The following RBM24 variants were observed in gnomAD, a reference collection of about 807,000 sequenced individuals.
The protein encoded by RBM24 is RNA-binding protein 24.
RBM24 carries 5 observed loss-of-function variants against 23.6 expected under a neutral mutation model. That is an observed-to-expected ratio of 0.21 (90% CI 0.11 to 0.45). RBM24 has a LOEUF of 0.45. Among genes scored for constraint, RBM24 ranks in the 20% least tolerant of loss-of-function variants. The probability of loss-of-function intolerance (pLI) is 0.99; values close to 1 mark genes in which losing one functional copy is unlikely to be tolerated. For missense variants in RBM24, 252 were observed against 314.6 expected (o/e 0.80, Z 1.51); for synonymous variants, 151 against 129.5 (o/e 1.17, Z -1.13).
chr6:17,282,020 G>A (rs1760033199), intron 1 of RBM24: 2 of 1,320,566 alleles, frequency 1.5e-6, no homozygotes, highest in East Asian at 6.8e-5. Context: ...ATGACGGCGG[G>A]ATTTGGGGTG....
At chr6:17,283,751 T>C (rs1299210773) in intron 2 of RBM24, among the ~76,000 whole-genome samples, 1 of 151,988 alleles carries the variant, frequency 6.6e-6, no homozygotes, top group Non-Finnish European at 1.5e-5. Flanking sequence ...AATCACAGAG[T>C]ATTAGCAATC....
Position 17,281,828 on chromosome 6 carries a change from G to C in RBM24, c.168+79G>C, listed in dbSNP as rs1470721593. 123 of 1,509,964 alleles carry C rather than the reference G, an allele frequency of 8.1e-5. No homozygotes were observed. Among genetic ancestry groups the C allele is most frequent in the Non-Finnish European group, 1.1e-4 (118 of 1,115,928 alleles). 93.5% of individuals were successfully genotyped at this position (1,509,964 alleles called of 1,614,324 possible). A position where few individuals can be genotyped will look rare whatever the true frequency, so the allele number is the denominator to read the frequency against. Reference sequence around the variant, plus strand: ...GGGGATCGGGAGCTTGGAGTGAGGGGCTCGGCGTGACCCGTGAGGAGCCCC... The same window carrying C: ...GGGGATCGGGAGCTTGGAGTGAGGGCCTCGGCGTGACCCGTGAGGAGCCCC... On this transcript the variant is annotated intron_variant, in intron 1 of 3. Transcript: ENST00000379052. The surrounding 1 kb of genome is among the most constrained non-coding windows in gnomAD (Gnocchi z 7.1).
intron 2 of RBM24, 133 bp downstream of exon 2, chr6:17,283,061 C>T (rs1027341936): frequency 3.8e-5 from 25 of 650,588 alleles, no homozygotes; most frequent in South Asian, 2.7e-4. Flanking sequence ...GCTTGTTATT[C>T]TACCAAGGCA....
At chr6:17,284,610 AT>A in intron 2 of RBM24, 46 bp from the exon 3 acceptor site, 1 of 1,436,754 alleles carries the variant, frequency 7.0e-7, no homozygotes, top group Non-Finnish European at 9.6e-7. Flanking sequence ...GGAATAATAA[AT>A]GCCTAACCAT....
intron 3 of RBM24, chr6:17,291,011 T>C: frequency 1.7e-6 from 1 of 592,928 alleles, no homozygotes; most frequent in Non-Finnish European, 2.8e-6. Flanking sequence ...ATAGCATTTT[T>C]GTAGCTTCCC....
chr6:17,293,832 TTCTAA>T lies in RBM24; in HGVS notation c.*1718_*1722del, dbSNP rs1309911351. 4 of 152,804 alleles carry T rather than the reference TTCTAA, an allele frequency of 2.6e-5. No individual in the cohort carries two copies. Among genetic ancestry groups the T allele is most frequent in the Non-Finnish European group, 1.5e-5 (1 of 68,042 alleles). The allele number at this position is 152,804 out of a possible 1,614,324, so 9.5% of individuals were successfully genotyped here. ...ATATTGCTTTATAACATTTCAGATC[TTCTAA>T]TCTATTCACTTGTATTAAATATAAT... On this transcript the variant is annotated 3_prime_UTR_variant, in exon 4 of 4. Coordinates refer to ENST00000379052, the MANE Select transcript of RBM24 (RefSeq NM_001143942.2).
At chr6:17,290,034 G>A (rs1423502873) in intron 3 of RBM24, 7 of 1,289,390 alleles carry the variant, frequency 5.4e-6, no homozygotes, top group Non-Finnish European at 6.1e-6. Flanking sequence ...TGATGACGTC[G>A]TTTCTCCTGG....
intron 3 of RBM24, among the ~76,000 whole-genome samples, chr6:17,286,394 T>A (rs147145134): frequency 2.6e-5 from 4 of 152,266 alleles, no homozygotes; most frequent in African/African-American, 9.6e-5. Flanking sequence ...GGAGAGCATA[T>A]ATCTGAAGGT....
intron 3 of RBM24, chr6:17,288,144 G>A (rs760672362): frequency 1.7e-4 from 104 of 615,396 alleles, no homozygotes; most frequent in Non-Finnish European, 2.0e-4. Context: ...ACTGCTAAGT[G>A]TTAGAGGCTG....
At chr6:17,289,858 C>T (rs1760301777) in intron 3 of RBM24, 5 of 1,181,694 alleles carry the variant, frequency 4.2e-6, no homozygotes, top group South Asian at 1.7e-5. Context: ...CGTGTCTACA[C>T]GTTGTAGACA....
Position 17,281,413 on chromosome 6 carries a change from CCGCCCCCGGCCGCT to C in RBM24, c.-160_-147del. 4.3e-6 allele frequency: 1 copy of C among 230,018 alleles called. No individual in the cohort carries two copies. The highest frequency in any genetic ancestry group is 7.1e-6 in the Non-Finnish European group (1 of 141,122). The allele number at this position is 230,018 out of a possible 1,614,324, so 14.2% of individuals were successfully genotyped here. On this transcript the variant is annotated 5_prime_UTR_variant, in exon 1 of 4. Transcript: ENST00000379052. This position sits in a 1 kb window ranked among gnomAD's most constrained non-coding sequence, Gnocchi z 7.1. ...GAAGCCGCGCGCCCGGCGCTCTCGG[CCGCCCCCGGCCGCT>C]CGCCCCCGCCGCGCCGCCGCCCTCG...
In RBM24 at chr6:17,293,397, A is replaced by G. The variant is rs1760428262; in HGVS notation, c.*1278A>G. On this transcript the variant is annotated 3_prime_UTR_variant, in exon 4 of 4. Transcript: ENST00000379052. The stretch of plus-strand genomic sequence containing the variant: ...TTGACTTGGATTTATTTAAATTCAT[A>G]TGTGCACTGTATAAGAGAGTACTCT... 6.6e-6 allele frequency: 1 copy of G among 152,624 alleles called. No individual in the cohort carries two copies. The highest frequency in any genetic ancestry group is 1.5e-5 in the Non-Finnish European group (1 of 68,026). 9.5% of individuals were successfully genotyped at this position (152,624 alleles called of 1,614,324 possible).
chr6:17,288,758 T>C (rs1042908281), intron 3 of RBM24: 1 of 979,760 alleles, frequency 1.0e-6, no homozygotes, highest in South Asian at 4.7e-5. Flanking sequence ...AGGAGCCCAG[T>C]TGACCTGGGT....
chr6:17,291,320 A>C (rs1395825223), intron 3 of RBM24, among the ~76,000 whole-genome samples: 1 of 152,046 alleles, frequency 6.6e-6, no homozygotes, highest in East Asian at 1.9e-4. Flanking sequence ...ATTATGGACT[A>C]CCTTTTGAGT....
At chr6:17,282,011 T>C in intron 1 of RBM24, 1 of 1,333,640 alleles carries the variant, frequency 7.5e-7, no homozygotes, top group Non-Finnish European at 9.7e-7. Context: ...AGACCTGTAA[T>C]GACGGCGGGA....
Position 17,292,362 on chromosome 6 carries a change from G to C in RBM24, c.*243G>C, listed in dbSNP as rs773235582. On this transcript the variant is annotated 3_prime_UTR_variant, in exon 4 of 4. Transcript: ENST00000379052. ...TCCCAAAGAGCCTGAGTAAATGAAAGGCCACTACGAAATGACGCCAGGAGT... is the reference window on the plus strand; with the variant it reads ...TCCCAAAGAGCCTGAGTAAATGAAACGCCACTACGAAATGACGCCAGGAGT... 2.3e-5 allele frequency: 7 copies of C among 310,430 alleles called. No individual in the cohort carries two copies. The highest frequency in any genetic ancestry group is 1.9e-4 in the Admixed American group (4 of 20,788). 19.2% of individuals were successfully genotyped at this position (310,430 alleles called of 1,614,324 possible). A position where few individuals can be genotyped will look rare whatever the true frequency, so the allele number is the denominator to read the frequency against.
intron 3 of RBM24, among the ~76,000 whole-genome samples, chr6:17,286,153 T>TTA (rs1258466619): frequency 6.6e-6 from 1 of 151,832 alleles, no homozygotes; most frequent in East Asian, 1.9e-4. Flanking sequence ...AACTCTAACA[T>TTA]ATCGGTACCT....
chr6:17,288,378 G>A lies in RBM24; in HGVS notation c.348-3378G>A, dbSNP rs904162877. The A allele has an allele frequency of 3.0e-6, 3 of 985,378 alleles. No homozygotes were observed. The African/African-American group carries it at 5.2e-5, about 17-fold the overall frequency. The allele number at this position is 985,378 out of a possible 1,614,324, so 61.0% of individuals were successfully genotyped here. A position where few individuals can be genotyped will look rare whatever the true frequency, so the allele number is the denominator to read the frequency against. On this transcript the variant is annotated intron_variant, in intron 3 of 3. Coordinates refer to ENST00000379052, the MANE Select transcript of RBM24 (RefSeq NM_001143942.2). ...GTGAAGGAAGTAGAAGTTGACCTAG[G>A]TTTTAAAGAATGGTGGAGGGTAGGG...
Position 17,282,921 on chromosome 6 carries a change from G to A in RBM24, c.285G>A (p.Met95Ile), listed in dbSNP as rs1760073687. The change falls in exon 2 of 4, where the codon ATG becomes ATA. Residue 95 changes from methionine to isoleucine, a missense_variant. Transcript: ENST00000379052. ...ACTTAGGAGCAAAACCAAGGATCAT[G>A]CAACCAGGTGAGAAATGTCTGTCTC... Reference protein sequence around the residue: ...LAYLGAKPRIMQPGFAFGVQQ... With the variant: ...LAYLGAKPRIIQPGFAFGVQQ... 6.2e-7 allele frequency: 1 copy of A among 1,613,502 alleles called. No individual in the cohort carries two copies. Among genetic ancestry groups the A allele is most frequent in the Admixed American group, 1.7e-5 (1 of 59,982 alleles).
Sources: gnomAD v4.1 joint callset for allele counts (sites outside exome capture counted in the v4.1 genomes callset) on GRCh38, gnomAD v4.1.1 for gene constraint, Gnocchi (gnomAD v3.1) non-coding constraint, MANE v1.5 for transcripts, NCBI Gene and HGNC (gene_info 2026-07-23, HGNC 2026-07-21) for gene names.